The following FGGY variants were observed in gnomAD, a reference collection of about 807,000 sequenced individuals.
FGGY encodes FGGY carbohydrate kinase domain-containing protein.
A neutral mutation model predicts 71.3 loss-of-function variants in FGGY; 72 were observed. The ratio of observed to expected loss-of-function variants is 1.01; its 90% CI spans 0.84 to 1.23. The LOEUF (loss-of-function observed/expected upper bound fraction) is 1.23. FGGY is among the 50% of genes most tolerant of loss of function. The probability of loss-of-function intolerance (pLI) is 0.00; values close to 1 mark genes in which losing one functional copy is unlikely to be tolerated. For synonymous variants in FGGY, 251 were observed against 250.3 expected (o/e 1.00, Z -0.02); for missense variants, 668 against 682.3 (o/e 0.98, Z 0.23).
chr1:59,340,123 C>A, intron 3 of FGGY, 54 bp downstream of exon 3: 1 of 1,281,632 alleles, frequency 7.8e-7, no homozygotes. Flanking sequence ...CTGATTAATC[C>A]AATGGGCCCA....
At position 59,346,298 on chromosome 1, in the gene FGGY, A is replaced by G; in HGVS notation, c.365A>G (p.Gln122Arg). The change falls in exon 4 of 16, where the codon CAA becomes CGA. Residue 122 changes from glutamine to arginine, a missense_variant. Physicochemically the swap from Gln to Arg is conservative, Grantham distance 43. This residue lies in a region of FGGY where 661 missense variants were observed against 661.6 expected (regional missense o/e 1.00). Coordinates refer to ENST00000303721, the MANE Select transcript of FGGY (RefSeq NM_018291.5). ...IMWLDHRAVS[Q>R]VNRINETKHS... ...TGGCTGGACCATCGAGCAGTCAGTC[A>G]AGTTAACAGGATCAATGAGACCAAG... 6.2e-7 allele frequency: 1 copy of G among 1,612,640 alleles called. No individual in the cohort carries two copies. Among genetic ancestry groups the G allele is most frequent in the Non-Finnish European group, 8.5e-7 (1 of 1,179,748 alleles).
At chr1:59,658,236 A>G (rs1046018233) in intron 11 of FGGY, among the ~76,000 whole-genome samples, 1 of 152,170 alleles carries the variant, frequency 6.6e-6, no homozygotes, top group South Asian at 2.1e-4. Flanking sequence ...ACTGTGAAAT[A>G]AAGTTCCATA....
intron 6 of FGGY, among the ~76,000 whole-genome samples, chr1:59,477,637 T>G (rs2093319720): frequency 6.6e-6 from 1 of 152,166 alleles, no homozygotes; most frequent in South Asian, 2.1e-4. Flanking sequence ...TCCGTTAAAT[T>G]TTCATACGCT....
chr1:59,424,329 A>G (rs1199311197), intron 5 of FGGY, among the ~76,000 whole-genome samples: 1 of 152,208 alleles, frequency 6.6e-6, no homozygotes, highest in Admixed American at 6.5e-5. Flanking sequence ...CAGGCGAATC[A>G]TGAGGTCAAG....
chr1:59,609,261 C>T (rs977195943), intron 9 of FGGY, among the ~76,000 whole-genome samples: 4 of 152,188 alleles, frequency 2.6e-5, no homozygotes, highest in Non-Finnish European at 5.9e-5. Flanking sequence ...GAGAGTAGGG[C>T]AGAGACCACA....
chr1:59,501,337 TTTAA>T (rs2094216202), intron 6 of FGGY, among the ~76,000 whole-genome samples: 1 of 152,208 alleles, frequency 6.6e-6, no homozygotes, highest in South Asian at 2.1e-4. Flanking sequence ...AAGATTTGGT[TTTAA>T]TTAGTAAATG....
At chr1:59,497,336 C>A (rs945657993) in intron 6 of FGGY, among the ~76,000 whole-genome samples, 1 of 152,162 alleles carries the variant, frequency 6.6e-6, no homozygotes, top group African/African-American at 2.4e-5. Flanking sequence ...GCCTATAATC[C>A]CAGCACTTTG....
intron 8 of FGGY, among the ~76,000 whole-genome samples, chr1:59,561,868 A>C (rs2095797735): frequency 6.6e-6 from 1 of 152,192 alleles, no homozygotes; most frequent in South Asian, 2.1e-4. Flanking sequence ...GAACAGACTC[A>C]ATTAAAAGGG....
chr1:59,481,261 A>C (rs2093457836), intron 6 of FGGY, among the ~76,000 whole-genome samples: 1 of 152,146 alleles, frequency 6.6e-6, no homozygotes, highest in African/African-American at 2.4e-5. Context: ...AATTTTTAAA[A>C]ATTTTAGAAT....
At chr1:59,415,260 G>A (rs1009179017) in intron 5 of FGGY, among the ~76,000 whole-genome samples, 1 of 152,052 alleles carries the variant, frequency 6.6e-6, no homozygotes, top group African/African-American at 2.4e-5. Context: ...TTATTAAAAT[G>A]TGAGCAATAT....
In FGGY at chr1:59,584,017, A is replaced by G. The variant is rs1405245415; in HGVS notation, c.904-23786A>G. Among the ~76,000 whole-genome samples the G allele has an allele frequency of 2.7e-5, 4 of 149,466 alleles. 1 individual carries two copies. The highest frequency in any genetic ancestry group is 1.0e-4 in the African/African-American group (4 of 39,298). On this transcript the variant is annotated intron_variant, in intron 8 of 15. Coordinates refer to ENST00000303721, the MANE Select transcript of FGGY (RefSeq NM_018291.5). ...AAAGACCAGGTGAAATTGAGGCAAT[A>G]ATGAATAGCTTACCAACCAAAAAAA...
At chr1:59,754,593 T>C (rs1196844803) in intron 14 of FGGY, among the ~76,000 whole-genome samples, 1 of 152,194 alleles carries the variant, frequency 6.6e-6, no homozygotes, top group Non-Finnish European at 1.5e-5. Context: ...TAATTTTGTA[T>C]TTTTAGTAGA....
chr1:59,744,225 A>G (rs1177752476), intron 14 of FGGY, among the ~76,000 whole-genome samples: 1 of 152,180 alleles, frequency 6.6e-6, no homozygotes, highest in African/African-American at 2.4e-5. Context: ...GGCCCAAGCC[A>G]TTCTGTTTTG....
At position 59,549,348 on chromosome 1, in the gene FGGY, C is replaced by T. The variant is rs563685814; in HGVS notation, c.800-4776C>T. On this transcript the variant is annotated intron_variant, in intron 7 of 15. Coordinates refer to ENST00000303721, the MANE Select transcript of FGGY (RefSeq NM_018291.5). ...GTAGTCTTAAATAATGTTCAAAACC[C>T]TTCTTATCCTTTTTGATACTTCAGA... 1.7e-3 allele frequency among the ~76,000 whole-genome samples: 252 copies of T among 152,286 alleles called. 6 individuals are homozygous for T. The South Asian group carries it at 0.027, about 16-fold the overall frequency.
chr1:59,589,945 A>G (rs1397196397), intron 8 of FGGY, among the ~76,000 whole-genome samples: 2 of 152,164 alleles, frequency 1.3e-5, no homozygotes, highest in East Asian at 3.8e-4. Context: ...ATCACAGCAG[A>G]ACTGAAGGAA....
At position 59,456,382 on chromosome 1, in the gene FGGY, G is replaced by A. The variant is rs191196204; in HGVS notation, c.555-579G>A. Among the ~76,000 whole-genome samples, 97 of 151,520 alleles carry A rather than the reference G, an allele frequency of 6.4e-4. No homozygotes were observed. The South Asian group carries it at 8.4e-3, about 13-fold the overall frequency. On this transcript the variant is annotated intron_variant, in intron 5 of 15. Coordinates refer to ENST00000303721, the MANE Select transcript of FGGY (RefSeq NM_018291.5). The stretch of plus-strand genomic sequence containing the variant: ...ATTATCTCACAAATGTCATGTAAAC[G>A]TAGATGTAAATACGAATATTCATAT...
At chr1:59,383,684 C>A (rs1351974298) in intron 5 of FGGY, among the ~76,000 whole-genome samples, 2 of 152,290 alleles carry the variant, frequency 1.3e-5, no homozygotes, top group South Asian at 2.1e-4. Context: ...CATATTAAAA[C>A]CTTGGTCTCC....
intron 13 of FGGY, among the ~76,000 whole-genome samples, chr1:59,670,873 T>C (rs553855086): frequency 1.3e-5 from 2 of 152,326 alleles, no homozygotes; most frequent in East Asian, 3.9e-4. Flanking sequence ...TTTGGTTAAC[T>C]GTGGTTTCAA....
intron 5 of FGGY, among the ~76,000 whole-genome samples, chr1:59,418,505 A>AT (rs934982380): frequency 4.0e-5 from 6 of 151,770 alleles, no homozygotes; most frequent in Non-Finnish European, 5.9e-5. Context: ...GAAAAAAAAA[A>AT]GTTTGAGGGG....
Sources: allele counts gnomAD v4.1 joint callset (sites outside exome capture counted in the v4.1 genomes callset), GRCh38; gene constraint gnomAD v4.1.1; regional missense constraint gnomAD v4.1.1; transcripts MANE v1.5; gene names NCBI Gene and HGNC (gene_info 2026-07-23, HGNC 2026-07-21).